MARCHF7: variants seen among roughly 807,000 people sequenced by gnomAD.
MARCHF7 encodes membrane associated ring-CH-type finger 7.
Under a neutral mutation model 76.5 loss-of-function variants are expected in MARCHF7, and 20 were observed. The ratio of observed to expected loss-of-function variants is 0.26; its 90% CI spans 0.18 to 0.38. The LOEUF (loss-of-function observed/expected upper bound fraction) is 0.38, where lower values mean the gene tolerates loss of function less well. Ranked by LOEUF, MARCHF7 falls within the 10% of genes least tolerant of loss-of-function variation. The probability of loss-of-function intolerance (pLI) is 1.00; values close to 1 mark genes in which losing one functional copy is unlikely to be tolerated. For missense variants in MARCHF7, 797 were observed against 812.9 expected (o/e 0.98, Z 0.24); for synonymous variants, 295 against 293.0 (o/e 1.01, Z -0.07).
chr2:159,716,052 T>G (rs1700999792), intron 3 of MARCHF7, among the ~76,000 whole-genome samples: 1 of 152,136 alleles, frequency 6.6e-6, no homozygotes, highest in East Asian at 1.9e-4. Flanking sequence ...CATGGGATGT[T>G]AAGCTTTTTT....
intron 8 of MARCHF7, among the ~76,000 whole-genome samples, chr2:159,755,884 C>T (rs929918617): frequency 2.6e-5 from 4 of 152,096 alleles, no homozygotes; most frequent in African/African-American, 9.7e-5. Context: ...CTGAGGCTCC[C>T]AGTAATGTGG....
At chr2:159,720,084 G>A (rs1287638400) in intron 3 of MARCHF7, among the ~76,000 whole-genome samples, 1 of 152,106 alleles carries the variant, frequency 6.6e-6, no homozygotes, top group East Asian at 1.9e-4. Flanking sequence ...GGGGTGCAGT[G>A]GTGCCATCTC....
intron 4 of MARCHF7, chr2:159,733,655 G>C (rs1454860662): frequency 1.0e-6 from 1 of 985,102 alleles, no homozygotes; most frequent in East Asian, 1.1e-4. Context: ...TCAGAGAAAA[G>C]AGGGTCAGGG....
intron 7 of MARCHF7, among the ~76,000 whole-genome samples, 188 bp from the exon 8 acceptor site, chr2:159,752,214 T>A (rs1384846966): frequency 6.6e-6 from 1 of 152,236 alleles, no homozygotes; most frequent in African/African-American, 2.4e-5. Flanking sequence ...AGAGAGTTTT[T>A]CATTTTCAAT....
chr2:159,727,067 A>C (rs1702256661), intron 3 of MARCHF7, among the ~76,000 whole-genome samples: 1 of 152,236 alleles, frequency 6.6e-6, no homozygotes, highest in Middle Eastern at 3.2e-3. Context: ...CGCATTTCTT[A>C]GAATATATTC....
chr2:159,759,220 T>C lies in MARCHF7; in HGVS notation c.1784-6T>C, dbSNP rs780290257. 4 of 1,505,332 alleles carry C rather than the reference T, an allele frequency of 2.7e-6. No homozygotes were observed. The highest frequency in any genetic ancestry group is 3.7e-6 in the Non-Finnish European group (4 of 1,095,022). 93.2% of individuals were successfully genotyped at this position (1,505,332 alleles called of 1,614,324 possible). A position where few individuals can be genotyped will look rare whatever the true frequency, so the allele number is the denominator to read the frequency against. On this transcript the variant is annotated splice_region_variant and splice_polypyrimidine_tract_variant and intron_variant, in intron 8 of 11. Coordinates refer to ENST00000409175, the MANE Select transcript of MARCHF7 (RefSeq NM_001282805.2). ...TAAGCTTTATTTGTAATTTAATTTT[T>C]ACCAGGTTCTTCATTAGAAGCTGTA...
At chr2:159,756,832 T>C (rs2125678415) in intron 8 of MARCHF7, among the ~76,000 whole-genome samples, 1 of 152,262 alleles carries the variant, frequency 6.6e-6, no homozygotes, top group South Asian at 2.1e-4. Context: ...AAAGAGTTAT[T>C]GTTCATAGTT....
intron 6 of MARCHF7, among the ~76,000 whole-genome samples, chr2:159,746,910 T>A (rs1704972309): frequency 6.6e-6 from 1 of 152,224 alleles, no homozygotes; most frequent in African/African-American, 2.4e-5. Context: ...TTTTATCTGC[T>A]TGGCTTTGGA....
At chr2:159,755,082 A>G (rs551437668) in intron 8 of MARCHF7, among the ~76,000 whole-genome samples, 1 of 152,308 alleles carries the variant, frequency 6.6e-6, no homozygotes, top group Admixed American at 6.5e-5. Context: ...GGGTATCTAT[A>G]AGGACATAAT....
chr2:159,746,067 TA>T (rs1206428751), intron 6 of MARCHF7, 130 bp downstream of exon 6: 10 of 634,410 alleles, frequency 1.6e-5, no homozygotes, highest in East Asian at 1.0e-4. Context: ...AATACCTTAA[TA>T]TTTTTTTCTA....
chr2:159,718,335 AT>A (rs947179023), intron 3 of MARCHF7, among the ~76,000 whole-genome samples: 1 of 152,196 alleles, frequency 6.6e-6, no homozygotes, highest in Non-Finnish European at 1.5e-5. Context: ...TAGGAAATGA[AT>A]TTTATTAATA....
intron 4 of MARCHF7, among the ~76,000 whole-genome samples, chr2:159,731,040 G>A (rs1702726160): frequency 6.6e-6 from 1 of 152,002 alleles, no homozygotes; most frequent in African/African-American, 2.4e-5. Flanking sequence ...CTGCAGGGAC[G>A]TGCCACCATG....
intron 8 of MARCHF7, among the ~76,000 whole-genome samples, chr2:159,755,479 G>A (rs1189593840): frequency 6.6e-6 from 1 of 152,140 alleles, no homozygotes; most frequent in African/African-American, 2.4e-5. Flanking sequence ...AGTAATGGGT[G>A]TGTTGGGTGG....
rs1377056793 is a variant in MARCHF7, at chr2:159,770,678, C to T, written c.*3336C>T. 2 of 152,118 alleles carry T rather than the reference C, an allele frequency of 1.3e-5. No homozygotes were observed. Among genetic ancestry groups the T allele is most frequent in the African/African-American group, 4.8e-5 (2 of 41,442 alleles). 9.4% of individuals were successfully genotyped at this position (152,118 alleles called of 1,614,324 possible). On this transcript the variant is annotated 3_prime_UTR_variant, in exon 12 of 12. Transcript: ENST00000409175. ...AGACCATATTTTTACTGTACCTTTT[C>T]TATATTTAGATACACAAATATTGTG...
intron 7 of MARCHF7, among the ~76,000 whole-genome samples, chr2:159,749,248 G>C (rs1374425383): frequency 3.3e-5 from 5 of 152,114 alleles, no homozygotes; most frequent in African/African-American, 1.2e-4. Context: ...AAAGTGCTGG[G>C]ATTACAGGCA....
chr2:159,727,762 A>G (rs7563417), intron 3 of MARCHF7, among the ~76,000 whole-genome samples: 1 of 152,090 alleles, frequency 6.6e-6, no homozygotes, highest in Non-Finnish European at 1.5e-5. Context: ...GCATGCAACA[A>G]CACAGATGAA....
intron 3 of MARCHF7, among the ~76,000 whole-genome samples, chr2:159,724,379 T>C (rs899795754): frequency 3.3e-5 from 5 of 152,200 alleles, no homozygotes; most frequent in African/African-American, 9.6e-5. Flanking sequence ...GATGCTCTTA[T>C]GTAGTCTTGA....
intron 4 of MARCHF7, among the ~76,000 whole-genome samples, chr2:159,737,999 T>G (rs1420942169): frequency 6.6e-6 from 1 of 152,198 alleles, no homozygotes; most frequent in Non-Finnish European, 1.5e-5. Context: ...ACTGGCAGGC[T>G]TTGTTCGACT....
chr2:159,751,405 C>G (rs1444305435), intron 7 of MARCHF7, among the ~76,000 whole-genome samples: 1 of 152,038 alleles, frequency 6.6e-6, no homozygotes, highest in Non-Finnish European at 1.5e-5. Flanking sequence ...AAAATTGAAT[C>G]CACCAAGTGA....
Sources: allele counts gnomAD v4.1 joint callset (sites outside exome capture counted in the v4.1 genomes callset), GRCh38; gene constraint gnomAD v4.1.1; transcripts MANE v1.5; gene names NCBI Gene and HGNC (gene_info 2026-07-23, HGNC 2026-07-21).